PLCE1: variants seen among roughly 807,000 people sequenced by gnomAD.
PLCE1 encodes the protein 1-phosphatidylinositol 4,5-bisphosphate phosphodiesterase epsilon-1.
A neutral mutation model predicts 242.8 loss-of-function variants in PLCE1; 119 were observed. That is an observed-to-expected ratio of 0.49 (90% CI 0.42 to 0.57). PLCE1 has a LOEUF of 0.57. Among genes scored for constraint, PLCE1 ranks in the 20% least tolerant of loss-of-function variants. The pLI is 0.00. For synonymous variants in PLCE1, 945 were observed against 1,017.4 expected (o/e 0.93, Z 1.35); for missense variants, 2,441 against 2,788.8 (o/e 0.88, Z 2.81).
chr10:94,116,319 G>A (rs143089902), intron 2 of PLCE1, among the ~76,000 whole-genome samples: 1 of 152,266 alleles, frequency 6.6e-6, no homozygotes, highest in East Asian at 1.9e-4. Context: ...TTAACATTCT[G>A]TGTGTGACCT....
chr10:94,152,910 A>G (rs2047317671), intron 3 of PLCE1, among the ~76,000 whole-genome samples: 1 of 152,192 alleles, frequency 6.6e-6, no homozygotes, highest in South Asian at 2.1e-4. Flanking sequence ...AATATCATGT[A>G]CTGTTTTTAA....
At chr10:94,038,955 C>T (rs930525738) in intron 2 of PLCE1, among the ~76,000 whole-genome samples, 2 of 152,164 alleles carry the variant, frequency 1.3e-5, no homozygotes, top group African/African-American at 4.8e-5. Context: ...TTTCCCTATT[C>T]TGGACTTTCA....
Position 94,316,565 on chromosome 10 carries a change from G to C in PLCE1, c.6151G>C (p.Asp2051His). The C allele has an allele frequency of 6.2e-7, 1 of 1,606,868 alleles. No homozygotes were observed. The highest frequency in any genetic ancestry group is 1.1e-5 in the South Asian group (1 of 90,832). Residue 2051 changes from aspartate to histidine, a missense_variant, in exon 29 of 33, where the codon GAC (aspartate) becomes CAC (histidine). Coordinates refer to ENST00000371380, the MANE Select transcript of PLCE1 (RefSeq NM_016341.4). ...TCTTTAGATTCTGACAAATGAACAA[G>C]ACATCAAACCTGTTACCACAGACTA... The part of the protein sequence containing the change: ...LLQQILTNEQ[D>H]IKPVTTDYFL...
intron 2 of PLCE1, among the ~76,000 whole-genome samples, chr10:94,059,148 G>A (rs1419300126): frequency 1.3e-5 from 2 of 152,204 alleles, no homozygotes; most frequent in East Asian, 3.8e-4. Flanking sequence ...CATGTGGAAA[G>A]GAAAGAGCTG....
rs935924751 is a variant in PLCE1 at position 94,305,334 on chromosome 10, C to G, written c.5622+689C>G. Among the ~76,000 whole-genome samples the G allele has an allele frequency of 3.3e-5, 5 of 152,200 alleles. No homozygotes were observed. The East Asian group carries it at 9.6e-4, about 29-fold the overall frequency. On this transcript the variant is annotated intron_variant, in intron 25 of 32. Transcript: ENST00000371380. ...CCTGTACTCCCAGCTACTTGGGAGTCTGAGGCTGGAGAATTACTTGAGTCC... is the reference window on the plus strand; with the variant it reads ...CCTGTACTCCCAGCTACTTGGGAGTGTGAGGCTGGAGAATTACTTGAGTCC...
At chr10:94,302,483 A>G (rs1439201713) in intron 24 of PLCE1, among the ~76,000 whole-genome samples, 2 of 151,724 alleles carry the variant, frequency 1.3e-5, no homozygotes, top group Non-Finnish European at 3.0e-5. Flanking sequence ...TAGGGTAGAC[A>G]CGGTGCTACT....
chr10:94,129,703 T>A (rs535367671), intron 2 of PLCE1, among the ~76,000 whole-genome samples: 1 of 152,296 alleles, frequency 6.6e-6, no homozygotes, highest in East Asian at 1.9e-4. Context: ...GTAATCTTTT[T>A]AAGACAAAAC....
At chr10:94,050,981 A>G (rs557085847) in intron 2 of PLCE1, among the ~76,000 whole-genome samples, 3 of 152,216 alleles carry the variant, frequency 2.0e-5, no homozygotes, top group East Asian at 3.9e-4. Context: ...AACTCTGGCC[A>G]GTTTATGGGA....
chr10:94,137,480 TGACAA>T (rs1224847414), intron 3 of PLCE1, among the ~76,000 whole-genome samples: 2 of 119,328 alleles, frequency 1.7e-5, no homozygotes, highest in African/African-American at 2.7e-5. Context: ...AATAAAGTGA[TGACAA>T]GAGGATTTTT....
chr10:94,023,106 A>G (rs1288558153), intron 1 of PLCE1, among the ~76,000 whole-genome samples: 1 of 152,158 alleles, frequency 6.6e-6, no homozygotes, highest in Admixed American at 6.6e-5. Flanking sequence ...AGATGAGAGC[A>G]ATTAATGCGG....
Position 94,329,015 on chromosome 10 carries a change from ATATT to A in PLCE1, c.*1077_*1080del, listed in dbSNP as rs1160767834. 1.3e-5 allele frequency: 2 copies of A among 152,210 alleles called. No homozygotes were observed. Among genetic ancestry groups the A allele is most frequent in the Non-Finnish European group, 2.9e-5 (2 of 68,040 alleles). 9.4% of individuals were successfully genotyped at this position (152,210 alleles called of 1,614,324 possible). A position where few individuals can be genotyped will look rare whatever the true frequency, so the allele number is the denominator to read the frequency against. ...AGGTTTGTACTGACACTATACTTAT[ATATT>A]TATTATACATCGCTCTCTTGATATT... On this transcript the variant is annotated 3_prime_UTR_variant, in exon 33 of 33. Coordinates refer to ENST00000371380, the MANE Select transcript of PLCE1 (RefSeq NM_016341.4).
chr10:94,304,562 G>A lies in PLCE1; in HGVS notation c.5539G>A (p.Asp1847Asn). 1 of 1,613,574 alleles carries A rather than the reference G, an allele frequency of 6.2e-7. No homozygotes were observed. Among genetic ancestry groups the A allele is most frequent in the Non-Finnish European group, 8.5e-7 (1 of 1,179,536 alleles). The change falls in exon 25 of 33, where the codon GAC becomes AAC. Residue 1847 changes from aspartate to asparagine, a missense_variant. Physicochemically the swap from Asp to Asn is conservative, Grantham distance 23 (BLOSUM62 1). Around this residue, in one of 5 missense-constraint regions of PLCE1, gnomAD observed 1,004 missense variants for 1,322.7 expected, o/e 0.76. Coordinates refer to ENST00000371380, the MANE Select transcript of PLCE1 (RefSeq NM_016341.4). ...TGTATTGAAACCTCCAGTTCTGTGG[G>A]ACAAGAACTGCCCCATGTATCAGAA... is the stretch of plus-strand genomic sequence containing the variant. ...GYVLKPPVLW[D>N]KNCPMYQKFS...
At chr10:94,152,140 C>T (rs1293281235) in intron 3 of PLCE1, among the ~76,000 whole-genome samples, 1 of 152,070 alleles carries the variant, frequency 6.6e-6, no homozygotes, top group Non-Finnish European at 1.5e-5. Flanking sequence ...CCAAATGCAA[C>T]AGAAACAAAA....
At chr10:94,166,579 G>GGTGTGTGTGTGTGTGTGTGTGTGT (rs56088035) in intron 3 of PLCE1, among the ~76,000 whole-genome samples, 1 of 145,856 alleles carries the variant, frequency 6.9e-6, no homozygotes, top group African/African-American at 2.6e-5. Flanking sequence ...AGAGAAAAAA[G>GGTGTGTGTGTGTGTGTGTGTGTGT]GTGTGTGTGT....
chr10:94,056,450 C>T (rs1018609669), intron 2 of PLCE1, among the ~76,000 whole-genome samples: 16 of 151,932 alleles, frequency 1.1e-4, no homozygotes, highest in Non-Finnish European at 1.9e-4. Context: ...TATTGTGTAT[C>T]TATTCAAAAA....
At chr10:94,177,148 T>C (rs1443790250) in intron 4 of PLCE1, among the ~76,000 whole-genome samples, 1 of 152,204 alleles carries the variant, frequency 6.6e-6, no homozygotes. Flanking sequence ...TCCTAATACT[T>C]TTTGGGCAGT....
intron 2 of PLCE1, among the ~76,000 whole-genome samples, chr10:94,047,990 A>G (rs1481197382): frequency 6.6e-6 from 1 of 152,216 alleles, no homozygotes; most frequent in Non-Finnish European, 1.5e-5. Flanking sequence ...TTCAGATTTT[A>G]AATTTTAGTT....
intron 1 of PLCE1, among the ~76,000 whole-genome samples, chr10:94,022,070 A>G (rs2061384857): frequency 6.6e-6 from 1 of 152,038 alleles, no homozygotes; most frequent in African/African-American, 2.4e-5. Flanking sequence ...AAGAAAAATA[A>G]ATAAAAGATT....
intron 23 of PLCE1, among the ~76,000 whole-genome samples, chr10:94,297,110 C>T (rs1320947343): frequency 6.6e-6 from 1 of 152,090 alleles, no homozygotes; most frequent in Non-Finnish European, 1.5e-5. Context: ...TCTGGTGATC[C>T]ACCCGCCTCA....
Sources: allele counts gnomAD v4.1 joint callset (sites outside exome capture counted in the v4.1 genomes callset), GRCh38; gene constraint gnomAD v4.1.1; regional missense constraint gnomAD v4.1.1; transcripts MANE v1.5; gene names NCBI Gene and HGNC (gene_info 2026-07-23, HGNC 2026-07-21).